Variants in GNG2 observed in about 807,000 individuals in gnomAD.
GNG2 encodes the protein G protein subunit gamma 2.
A neutral mutation model predicts 5.5 loss-of-function variants in GNG2; 5 were observed. The observed-to-expected ratio is 0.91, with a 90% CI of 0.48 to 1.92. The LOEUF is 1.92. Among genes scored for constraint, GNG2 ranks in the 30% most tolerant of loss-of-function variants. The pLI, the probability that GNG2 is intolerant of heterozygous loss-of-function variation, is 0.01. For missense variants in GNG2, 55 were observed against 88.4 expected (o/e 0.62, Z 1.52); for synonymous variants, 28 against 32.0 (o/e 0.88, Z 0.42).
intron 2 of GNG2, among the ~76,000 whole-genome samples, chr14:51,937,726 C>T (rs1044414419): frequency 2.5e-5 from 3 of 118,598 alleles, no homozygotes; most frequent in South Asian, 3.4e-4. Context: ...GCTGCACCCA[C>T]TAATGTGTCA....
chr14:51,855,867 G>A (rs1317367749), upstream of GNG2, among the ~76,000 whole-genome samples: 1 of 152,132 alleles, frequency 6.6e-6, no homozygotes, highest in Admixed American at 6.5e-5. Context: ...AAAGTAGGGA[G>A]GGCTCAGCCA....
intron 2 of GNG2, chr14:51,878,071 CT>C (rs1356943631): frequency 1.2e-5 from 2 of 165,518 alleles, no homozygotes; most frequent in African/African-American, 2.4e-5. Flanking sequence ...ATTGTAAGGG[CT>C]TTTCCAGCAG....
intron 2 of GNG2, among the ~76,000 whole-genome samples, chr14:51,853,339 T>A (rs1414214447): frequency 6.6e-6 from 1 of 152,150 alleles, no homozygotes; most frequent in Non-Finnish European, 1.5e-5. Flanking sequence ...TGGACTCTGA[T>A]GAAAGGGACA....
intron 2 of GNG2, among the ~76,000 whole-genome samples, chr14:51,892,794 CAT>C (rs754603431): frequency 1.5e-4 from 23 of 152,096 alleles, no homozygotes; most frequent in Non-Finnish European, 3.2e-4. Flanking sequence ...GTGTAATAAA[CAT>C]ATGTTGGGTT....
rs573784736 is a variant in GNG2 at position 51,886,193 on chromosome 14, C to T, written c.-30+8536C>T. Among the ~76,000 whole-genome samples the T allele has an allele frequency of 3.9e-5, 6 of 152,314 alleles. No individual in the cohort carries two copies. The South Asian group carries it at 1.2e-3, about 32-fold the overall frequency. On this transcript the variant is annotated intron_variant, in intron 2 of 3. Coordinates refer to ENST00000556766, the MANE Select transcript of GNG2 (RefSeq NM_053064.5). ...AATTTATAAGCATGAAGAAGCATGACATATCAACCTGAAAATGTTTTGCTT... is the reference window on the plus strand; with the variant it reads ...AATTTATAAGCATGAAGAAGCATGATATATCAACCTGAAAATGTTTTGCTT...
At chr14:51,838,155 A>T (rs1274022923) in intron 2 of GNG2, among the ~76,000 whole-genome samples, 1 of 152,142 alleles carries the variant, frequency 6.6e-6, no homozygotes, top group Non-Finnish European at 1.5e-5. Flanking sequence ...TATGAGATCT[A>T]CACAATTCTG....
intron 2 of GNG2, among the ~76,000 whole-genome samples, chr14:51,849,549 G>T (rs573075866): frequency 5.2e-4 from 79 of 152,274 alleles, no homozygotes; most frequent in African/African-American, 1.8e-3. Flanking sequence ...ACCCTTCCTT[G>T]ATCATTCAAT....
intron 2 of GNG2, among the ~76,000 whole-genome samples, chr14:51,933,765 T>A (rs1258096779): frequency 6.6e-6 from 1 of 152,056 alleles, no homozygotes; most frequent in South Asian, 2.1e-4. Flanking sequence ...TGCAGGTAAG[T>A]TGGTCATGGG....
chr14:51,913,489 G>A (rs1886414364), intron 2 of GNG2, among the ~76,000 whole-genome samples: 1 of 152,132 alleles, frequency 6.6e-6, no homozygotes, highest in Admixed American at 6.5e-5. Flanking sequence ...ACTCCAGTCT[G>A]GGTGACAGAG....
In GNG2 at chr14:51,886,930, C is replaced by T. The variant is rs141664114; in HGVS notation, c.-30+9273C>T. On this transcript the variant is annotated intron_variant, in intron 2 of 3. Coordinates refer to ENST00000556766, the MANE Select transcript of GNG2 (RefSeq NM_053064.5). ...AGAGGCAAATGGAAGATATACAGCACAGTTAACCTTCATCACGGAAGTCTT... is the reference window on the plus strand; with the variant it reads ...AGAGGCAAATGGAAGATATACAGCATAGTTAACCTTCATCACGGAAGTCTT... 6.2e-4 allele frequency among the ~76,000 whole-genome samples: 95 copies of T among 152,284 alleles called. 1 individual carries two copies. In the East Asian group the frequency reaches 0.016, roughly 25 times the overall value.
At chr14:51,902,199 A>G (rs1885612434) in intron 2 of GNG2, among the ~76,000 whole-genome samples, 2 of 152,180 alleles carry the variant, frequency 1.3e-5, no homozygotes, top group South Asian at 2.1e-4. Flanking sequence ...ATTTCTGGCT[A>G]TATAAAAATT....
At chr14:51,966,016 C>T (rs1305000165) in intron 3 of GNG2, among the ~76,000 whole-genome samples, 2 of 151,782 alleles carry the variant, frequency 1.3e-5, no homozygotes, top group Admixed American at 1.3e-4. Context: ...CAAGACCAGC[C>T]TGGCCAACGT....
chr14:51,830,820 C>T (rs1352093073), intron 2 of GNG2, among the ~76,000 whole-genome samples: 4 of 152,304 alleles, frequency 2.6e-5, no homozygotes, highest in Non-Finnish European at 5.9e-5. Flanking sequence ...AAAAGTGCAC[C>T]TTTTCTAACA....
intron 2 of GNG2, among the ~76,000 whole-genome samples, chr14:51,901,168 G>T (rs770345107): frequency 6.6e-6 from 1 of 151,778 alleles, no homozygotes; most frequent in Non-Finnish European, 1.5e-5. Flanking sequence ...CATACCAGTT[G>T]GTAAAGAGAA....
chr14:51,838,516 C>T (rs12892027), intron 2 of GNG2, among the ~76,000 whole-genome samples: 34,135 of 151,862 alleles, frequency 0.22, 4,539 homozygotes, highest in African/African-American at 0.36. Context: ...AGAAATGTGT[C>T]CAAATCCGAC....
intron 2 of GNG2, among the ~76,000 whole-genome samples, chr14:51,851,951 G>A (rs2790496): frequency 0.72 from 109,804 of 152,122 alleles, 41,569 homozygotes; most frequent in East Asian, 0.97. Context: ...GTGTGTTGCT[G>A]GAATTTTGGC....
chr14:51,910,799 G>A (rs1566680773), intron 2 of GNG2, among the ~76,000 whole-genome samples: 1 of 152,204 alleles, frequency 6.6e-6, no homozygotes, highest in Non-Finnish European at 1.5e-5. Flanking sequence ...AGGCCCTGGT[G>A]CATTCAGCAA....
chr14:51,908,186 G>A (rs1427851341), intron 2 of GNG2, among the ~76,000 whole-genome samples: 1 of 152,204 alleles, frequency 6.6e-6, no homozygotes, highest in Non-Finnish European at 1.5e-5. Context: ...GTAGGCAGGA[G>A]GCCTCAGTTT....
intron 2 of GNG2, among the ~76,000 whole-genome samples, chr14:51,930,760 T>A (rs1195057455): frequency 6.6e-6 from 1 of 152,188 alleles, no homozygotes; most frequent in Non-Finnish European, 1.5e-5. Flanking sequence ...GGTGCCAGTA[T>A]CTGCTTCTTG....
Sources: allele counts gnomAD v4.1 joint callset (sites outside exome capture counted in the v4.1 genomes callset), GRCh38; gene constraint gnomAD v4.1.1; transcripts MANE v1.5; gene names NCBI Gene and HGNC (gene_info 2026-07-23, HGNC 2026-07-21).